The following POFUT1 variants were observed in gnomAD, a reference collection of about 807,000 sequenced individuals.
The protein encoded by POFUT1 is GDP-fucose protein O-fucosyltransferase 1.
In POFUT1, 16 loss-of-function variants were observed where a neutral mutation model predicts 42.4. The ratio of observed to expected loss-of-function variants is 0.38; its 90% CI spans 0.26 to 0.57. POFUT1 has a LOEUF of 0.57. POFUT1 is among the 20% of genes least tolerant of loss of function. The pLI, the probability that POFUT1 is intolerant of heterozygous loss-of-function variation, is 0.71. For synonymous variants in POFUT1, 206 were observed against 205.4 expected (o/e 1.00, Z -0.03); for missense variants, 470 against 504.6 (o/e 0.93, Z 0.66).
intron 6 of POFUT1, among the ~76,000 whole-genome samples, chr20:32,231,562 G>C (rs2047444068): frequency 6.6e-6 from 1 of 152,196 alleles, no homozygotes; most frequent in South Asian, 2.1e-4. Flanking sequence ...TCTGGGGAGA[G>C]ATCCAGTATA....
In POFUT1 at chr20:32,235,769, G is replaced by T. The variant is rs2047466817; in HGVS notation, c.*1108G>T. 1 of 152,336 alleles carries T rather than the reference G, an allele frequency of 6.6e-6. No homozygotes were observed. The highest frequency in any genetic ancestry group is 1.9e-4 in the East Asian group (1 of 5,186). The allele number at this position is 152,336 out of a possible 1,614,324, so 9.4% of individuals were successfully genotyped here. A position where few individuals can be genotyped will look rare whatever the true frequency, so the allele number is the denominator to read the frequency against. Reference sequence around the variant, plus strand: ...GCAGTTTTAATAATCTGTGACTCCTGAGAGCCCATGGTTTTTTGACCTTGT... The same window carrying T: ...GCAGTTTTAATAATCTGTGACTCCTTAGAGCCCATGGTTTTTTGACCTTGT... On this transcript the variant is annotated 3_prime_UTR_variant, in exon 7 of 7. Coordinates refer to ENST00000375749, the MANE Select transcript of POFUT1 (RefSeq NM_015352.2).
At chr20:32,212,174 A>G (rs2047332716) in intron 2 of POFUT1, among the ~76,000 whole-genome samples, 3 of 152,144 alleles carry the variant, frequency 2.0e-5, no homozygotes, top group Non-Finnish European at 2.9e-5. Context: ...TTTGCTATAA[A>G]TATCTGTTGA....
At chr20:32,223,643 A>G (rs971936502) in intron 4 of POFUT1, 8 of 985,306 alleles carry the variant, frequency 8.1e-6, no homozygotes, top group Non-Finnish European at 8.4e-6. Flanking sequence ...TACTCAGGTA[A>G]TATGAATTCC....
chr20:32,221,921 G>A (rs2047392808), intron 4 of POFUT1, among the ~76,000 whole-genome samples: 1 of 152,140 alleles, frequency 6.6e-6, no homozygotes, highest in South Asian at 2.1e-4. Flanking sequence ...CGAAATAAGA[G>A]CAGATTGATA....
intron 4 of POFUT1, chr20:32,223,850 A>G: frequency 4.3e-6 from 1 of 229,936 alleles, no homozygotes; most frequent in East Asian, 1.8e-4. Flanking sequence ...GTAGTTAAGA[A>G]CATAGGATCT....
At chr20:32,225,417 G>A (rs1027536793) in intron 4 of POFUT1, among the ~76,000 whole-genome samples, 2 of 152,006 alleles carry the variant, frequency 1.3e-5, no homozygotes, top group African/African-American at 4.8e-5. Flanking sequence ...TCGATCTCCC[G>A]ACCTCGTGAT....
intron 6 of POFUT1, among the ~76,000 whole-genome samples, chr20:32,232,570 T>C (rs575265201): frequency 1.3e-5 from 2 of 152,302 alleles, no homozygotes; most frequent in East Asian, 3.9e-4. Flanking sequence ...ATTTCTTTGC[T>C]ACAATCCAGA....
At chr20:32,220,484 G>C (rs932618079) in intron 4 of POFUT1, among the ~76,000 whole-genome samples, 1 of 152,182 alleles carries the variant, frequency 6.6e-6, no homozygotes, top group Admixed American at 6.5e-5. Flanking sequence ...GCTTACACCT[G>C]TAATCCCAGC....
chr20:32,228,514 G>A, intron 5 of POFUT1, 59 bp downstream of exon 5: 1 of 1,473,536 alleles, frequency 6.8e-7, no homozygotes, highest in Non-Finnish European at 9.3e-7. Context: ...GCATGGCCCT[G>A]GCCTGTAGGG....
At chr20:32,228,489 T>G (rs761903980) in intron 5 of POFUT1, 34 bp downstream of exon 5, 2 of 1,590,258 alleles carry the variant, frequency 1.3e-6, no homozygotes, top group Non-Finnish European at 1.7e-6. Flanking sequence ...CTGGCTAACT[T>G]GGATGTGTCC....
chr20:32,227,358 A>T (rs932392946), intron 4 of POFUT1, among the ~76,000 whole-genome samples: 1 of 152,116 alleles, frequency 6.6e-6, no homozygotes, highest in African/African-American at 2.4e-5. Flanking sequence ...CTCTACAAAA[A>T]AAATGTAAAA....
intron 6 of POFUT1, among the ~76,000 whole-genome samples, chr20:32,233,287 C>T (rs1031343420): frequency 1.6e-4 from 24 of 152,128 alleles, no homozygotes; most frequent in Admixed American, 1.2e-3. Context: ...GGCCAGGGAG[C>T]GCTTCCCCAA....
intron 4 of POFUT1, among the ~76,000 whole-genome samples, chr20:32,225,868 G>A (rs775863177): frequency 6.6e-6 from 1 of 152,164 alleles, no homozygotes; most frequent in Non-Finnish European, 1.5e-5. Flanking sequence ...TGTGGATGAG[G>A]AGCTAAGGCA....
chr20:32,232,919 G>A (rs2047450309), intron 6 of POFUT1, among the ~76,000 whole-genome samples: 1 of 152,134 alleles, frequency 6.6e-6, no homozygotes, highest in Non-Finnish European at 1.5e-5. Context: ...CTGAGTAAGG[G>A]TACCAGTAAA....
chr20:32,238,314 G>T lies in POFUT1; in HGVS notation c.*3653G>T. The T allele has an allele frequency of 6.4e-6, 1 of 156,012 alleles. No homozygotes were observed. The highest frequency in any genetic ancestry group is 1.9e-4 in the East Asian group (1 of 5,402). 9.7% of individuals were successfully genotyped at this position (156,012 alleles called of 1,614,324 possible). A position where few individuals can be genotyped will look rare whatever the true frequency, so the allele number is the denominator to read the frequency against. On this transcript the variant is annotated 3_prime_UTR_variant, in exon 7 of 7. Coordinates refer to ENST00000375749, the MANE Select transcript of POFUT1 (RefSeq NM_015352.2). ...GCTTGGGAGGCTGAGGCAGGAGAAT[G>T]GCTTGAACCTGGGAGGTGGAGGTTG...
At chr20:32,217,404 G>C (rs2047367807) in intron 4 of POFUT1, 4 of 1,049,332 alleles carry the variant, frequency 3.8e-6, no homozygotes, top group Non-Finnish European at 4.6e-6. Context: ...GAGGTGCAGG[G>C]AACATACTAA....
At chr20:32,224,740 G>A (rs1042495653) in intron 4 of POFUT1, among the ~76,000 whole-genome samples, 1 of 152,188 alleles carries the variant, frequency 6.6e-6, no homozygotes, top group African/African-American at 2.4e-5. Context: ...GAGAATGAGT[G>A]GCATGTCTGT....
At position 32,215,357 on chromosome 20, in the gene POFUT1, T is replaced by C; in HGVS notation, c.335T>C (p.Leu112Pro). Residue 112 changes from leucine (L) to proline (P), a missense_variant, in exon 3 of 7, where the codon CTG becomes CCG. Coordinates refer to ENST00000375749, the MANE Select transcript of POFUT1 (RefSeq NM_015352.2). ...VISLEDFMEK[L>P]APTHWPPEKR... ...AGCTTGGAGGATTTCATGGAGAAGC[T>C]GGCACCCACCCACTGGCCCCCTGAG... is the stretch of plus-strand genomic sequence containing the variant. 6.2e-7 allele frequency: 1 copy of C among 1,614,134 alleles called. No individual in the cohort carries two copies. Among genetic ancestry groups the C allele is most frequent in the Non-Finnish European group, 8.5e-7 (1 of 1,180,008 alleles).
rs1161531666 is a variant in POFUT1 at position 32,235,386 on chromosome 20, C to T, written c.*725C>T. 1 of 152,502 alleles carries T rather than the reference C, an allele frequency of 6.6e-6. No individual in the cohort carries two copies. The highest frequency in any genetic ancestry group is 1.9e-4 in the East Asian group (1 of 5,200). 9.4% of individuals were successfully genotyped at this position (152,502 alleles called of 1,614,324 possible). A position where few individuals can be genotyped will look rare whatever the true frequency, so the allele number is the denominator to read the frequency against. ...GCAAGGAGCACATACCATCAAGCCA[C>T]ACTATCATGGTATTGTTCTCACAGT... On this transcript the variant is annotated 3_prime_UTR_variant, in exon 7 of 7. Coordinates refer to ENST00000375749, the MANE Select transcript of POFUT1 (RefSeq NM_015352.2).
Sources: allele counts gnomAD v4.1 joint callset (sites outside exome capture counted in the v4.1 genomes callset), GRCh38; gene constraint gnomAD v4.1.1; transcripts MANE v1.5; gene names NCBI Gene and HGNC (gene_info 2026-07-23, HGNC 2026-07-21).